SOX5: variants seen among roughly 807,000 people sequenced by gnomAD.
SOX5 encodes transcription factor SOX-5.
Under a neutral mutation model 92.0 loss-of-function variants are expected in SOX5, and 9 were observed. The ratio of observed to expected loss-of-function variants is 0.10; its 90% CI spans 0.06 to 0.17. The LOEUF is 0.17. Among genes scored for constraint, SOX5 ranks in the 10% least tolerant of loss-of-function variants. SOX5 has a pLI of 1.00. For missense variants in SOX5, 642 were observed against 944.5 expected (o/e 0.68, Z 4.20); for synonymous variants, 344 against 336.3 (o/e 1.02, Z -0.25).
At chr12:23,946,441 T>C (rs1668843332) in intron 1 of SOX5, among the ~76,000 whole-genome samples, 1 of 151,890 alleles carries the variant, frequency 6.6e-6, no homozygotes, top group Non-Finnish European at 1.5e-5. Context: ...AGGAAAGAAA[T>C]AGAATATTGA....
intron 4 of SOX5, among the ~76,000 whole-genome samples, chr12:24,133,219 C>T (rs988974818): frequency 2.0e-5 from 3 of 152,196 alleles, no homozygotes; most frequent in Non-Finnish European, 4.4e-5. Flanking sequence ...AAGTAGATTA[C>T]TCTGTACATG....
At chr12:23,543,795 G>C (rs561595244) in intron 12 of SOX5, among the ~76,000 whole-genome samples, 1 of 152,236 alleles carries the variant, frequency 6.6e-6, no homozygotes, top group South Asian at 2.1e-4. Context: ...TATAGGGGAG[G>C]ATATATCTTT....
intron 4 of SOX5, among the ~76,000 whole-genome samples, chr12:23,980,689 C>T (rs375085150): frequency 1.3e-5 from 2 of 152,108 alleles, no homozygotes; most frequent in Non-Finnish European, 2.9e-5. Context: ...CCCCCTCTTC[C>T]GTTTTCCCCT....
intron 1 of SOX5, among the ~76,000 whole-genome samples, chr12:23,923,253 G>A (rs1303053723): frequency 6.6e-6 from 1 of 151,740 alleles, no homozygotes; most frequent in Non-Finnish European, 1.5e-5. Context: ...GCCCGGCCAA[G>A]GGAAGCTTCT....
chr12:23,761,656 C>T (rs1407572494), intron 3 of SOX5, among the ~76,000 whole-genome samples: 1 of 152,126 alleles, frequency 6.6e-6, no homozygotes, highest in Admixed American at 6.6e-5. Flanking sequence ...CAGTATATCA[C>T]ATACTACCAC....
chr12:24,526,745 A>T (rs1950746304), intron 1 of SOX5, among the ~76,000 whole-genome samples: 1 of 152,092 alleles, frequency 6.6e-6, no homozygotes, highest in Non-Finnish European at 1.5e-5. Context: ...TGACCACCCC[A>T]ACCAAAGCAG....
chr12:24,195,607 A>C (rs1956936510), intron 4 of SOX5, among the ~76,000 whole-genome samples: 1 of 152,206 alleles, frequency 6.6e-6, no homozygotes, highest in South Asian at 2.1e-4. Flanking sequence ...AGTTATAAAT[A>C]AAAGAGGAAG....
At chr12:24,178,265 T>TTTTTC (rs1555160068) in intron 4 of SOX5, among the ~76,000 whole-genome samples, 1 of 116,368 alleles carries the variant, frequency 8.6e-6, no homozygotes, top group Non-Finnish European at 1.8e-5. Context: ...TTTTTTTTTT[T>TTTTTC]CCCATTTAAG....
At chr12:24,277,643 T>C (rs1944657021) in intron 2 of SOX5, among the ~76,000 whole-genome samples, 1 of 150,636 alleles carries the variant, frequency 6.6e-6, no homozygotes, top group Non-Finnish European at 1.5e-5. Context: ...AGAAGGGGTA[T>C]TATCTTGGCA....
intron 1 of SOX5, among the ~76,000 whole-genome samples, chr12:24,500,674 A>G (rs1948102470): frequency 6.6e-6 from 1 of 152,210 alleles, no homozygotes; most frequent in South Asian, 2.1e-4. Flanking sequence ...TGCCTTTCAA[A>G]ACGCTCCATT....
intron 3 of SOX5, among the ~76,000 whole-genome samples, chr12:23,806,074 T>C (rs142265340): frequency 2.6e-3 from 399 of 152,316 alleles, no homozygotes; most frequent in African/African-American, 8.6e-3. Flanking sequence ...AAAACAAACA[T>C]TTTAAAAGTG....
At chr12:23,609,058 G>C (rs908991511) in intron 8 of SOX5, among the ~76,000 whole-genome samples, 6 of 152,118 alleles carry the variant, frequency 3.9e-5, no homozygotes, top group African/African-American at 1.4e-4. Context: ...AGAAGAAATG[G>C]AGTTAAGGTG....
intron 9 of SOX5, among the ~76,000 whole-genome samples, chr12:23,600,857 G>C (rs1234932196): frequency 6.6e-6 from 1 of 151,900 alleles, no homozygotes; most frequent in Admixed American, 6.6e-5. Flanking sequence ...GCAGTTCAAA[G>C]CTCAGTACAG....
chr12:23,986,311 G>A (rs1426387196), intron 4 of SOX5, among the ~76,000 whole-genome samples: 4 of 151,660 alleles, frequency 2.6e-5, no homozygotes, highest in Non-Finnish European at 4.4e-5. Context: ...GAAGACATAC[G>A]ACAAAATCCC....
intron 4 of SOX5, among the ~76,000 whole-genome samples, chr12:24,059,695 A>G (rs527411692): frequency 6.6e-6 from 1 of 152,224 alleles, no homozygotes; most frequent in South Asian, 2.1e-4. Flanking sequence ...GAGAGTCTAC[A>G]AGTCTCCAGG....
chr12:24,538,310 C>G (rs1228130693), intron 1 of SOX5, among the ~76,000 whole-genome samples: 1 of 152,096 alleles, frequency 6.6e-6, no homozygotes, highest in Non-Finnish European at 1.5e-5. Context: ...TCAACTTTGA[C>G]CCTTTTCACT....
intron 3 of SOX5, among the ~76,000 whole-genome samples, chr12:23,842,904 G>C (rs1478958840): frequency 1.3e-5 from 2 of 152,118 alleles, no homozygotes; most frequent in Non-Finnish European, 2.9e-5. Context: ...GCTTCAAACA[G>C]TATGGTGTAG....
At chr12:23,936,696 C>G (rs1324908257) in intron 1 of SOX5, among the ~76,000 whole-genome samples, 3 of 150,748 alleles carry the variant, frequency 2.0e-5, no homozygotes, top group Admixed American at 6.6e-5. Context: ...ATATGAGGCA[C>G]ACGTGTAATT....
chr12:23,694,740 T>C (rs2089503686), intron 6 of SOX5, among the ~76,000 whole-genome samples: 1 of 152,072 alleles, frequency 6.6e-6, no homozygotes, highest in African/African-American at 2.4e-5. Context: ...TTTATCACTA[T>C]AGTTTTGCAT....
Sources: gnomAD v4.1 joint callset for allele counts (sites outside exome capture counted in the v4.1 genomes callset) on GRCh38, gnomAD v4.1.1 for gene constraint, MANE v1.5 for transcripts, NCBI Gene and HGNC (gene_info 2026-07-23, HGNC 2026-07-21) for gene names.